Variants in PRDM16 observed in about 807,000 individuals in gnomAD.
PRDM16 encodes PR/SET domain 16.
PRDM16 carries 23 observed loss-of-function variants against 110.6 expected under a neutral mutation model. The ratio of observed to expected loss-of-function variants is 0.21; its 90% CI spans 0.15 to 0.29. The LOEUF is 0.29. Among genes scored for constraint, PRDM16 ranks in the 10% least tolerant of loss-of-function variants. PRDM16 has a pLI of 1.00. For missense variants in PRDM16, 1,615 were observed against 1,794.3 expected (o/e 0.90, Z 1.81); for synonymous variants, 799 against 781.8 (o/e 1.02, Z -0.37).
intron 4 of PRDM16, chr1:3,394,484 A>AG: frequency 7.1e-6 from 1 of 140,738 alleles, no homozygotes; most frequent in Non-Finnish European, 1.5e-5. Context: ...GGTGGGGTGG[A>AG]GAGGGAGGTG....
chr1:3,327,409 C>G (rs1641938133), intron 3 of PRDM16, among the ~76,000 whole-genome samples: 1 of 152,202 alleles, frequency 6.6e-6, no homozygotes, highest in Admixed American at 6.5e-5. Context: ...CCAGTCCCAA[C>G]AGCCCCTCAG....
At chr1:3,426,756 A>G (rs1382670344) in intron 14 of PRDM16, among the ~76,000 whole-genome samples, 1 of 152,190 alleles carries the variant, frequency 6.6e-6, no homozygotes, top group Non-Finnish European at 1.5e-5. Flanking sequence ...CCATTGATGA[A>G]TCCTCACTTG....
At chr1:3,427,257 A>C (rs1299694078) in intron 14 of PRDM16, among the ~76,000 whole-genome samples, 5 of 152,208 alleles carry the variant, frequency 3.3e-5, no homozygotes, top group African/African-American at 9.7e-5. Context: ...TCCTTTGTGA[A>C]AGCTAACACC....
At chr1:3,147,521 C>G (rs1245003163) in intron 1 of PRDM16, among the ~76,000 whole-genome samples, 1 of 152,116 alleles carries the variant, frequency 6.6e-6, no homozygotes, top group African/African-American at 2.4e-5. Flanking sequence ...CTGCTGTCTT[C>G]TCTTTGAGAA....
chr1:3,389,887 C>T (rs988831215), intron 4 of PRDM16, among the ~76,000 whole-genome samples: 23 of 152,022 alleles, frequency 1.5e-4, no homozygotes, highest in Admixed American at 9.2e-4. Flanking sequence ...CTGCCTCGTC[C>T]GAGCATGAGC....
At chr1:3,172,639 G>A (rs1462777832) in intron 1 of PRDM16, among the ~76,000 whole-genome samples, 1 of 152,226 alleles carries the variant, frequency 6.6e-6, no homozygotes, top group Non-Finnish European at 1.5e-5. Context: ...GGCGACACAC[G>A]CCACCACCTG....
intron 3 of PRDM16, among the ~76,000 whole-genome samples, chr1:3,363,207 G>A (rs1424302076): frequency 1.3e-5 from 2 of 152,298 alleles, no homozygotes; most frequent in African/African-American, 2.4e-5. Flanking sequence ...ACTGCATCTC[G>A]GGGCCCGCGA....
In PRDM16 at chr1:3,283,828, G is replaced by A. The variant is rs566543559; in HGVS notation, c.438+39691G>A. Among the ~76,000 whole-genome samples, 19 of 152,356 alleles carry A rather than the reference G, an allele frequency of 1.2e-4. 1 individual carries two copies. The South Asian group carries it at 2.7e-3, about 22-fold the overall frequency. Reference sequence around the variant, plus strand: ...CAGCAAAGCCGGCTGGTGGTGTTGCGGCCACACAGCCTCCCCGACCAACAT... The same window carrying A: ...CAGCAAAGCCGGCTGGTGGTGTTGCAGCCACACAGCCTCCCCGACCAACAT... On this transcript the variant is annotated intron_variant, in intron 3 of 16. Transcript: ENST00000270722.
rs397514744 is a variant in PRDM16 at position 3,402,986 on chromosome 1, C to T, written c.872C>T (p.Pro291Leu). The T allele has an allele frequency of 3.9e-5, 63 of 1,606,562 alleles. No individual in the cohort carries two copies. Among genetic ancestry groups the T allele is most frequent in the Middle Eastern group, 3.5e-4 (2 of 5,648 alleles). Residue 291 changes from proline to leucine, a missense_variant, in exon 6 of 17, where the codon CCC (proline) becomes CTC (leucine). This residue lies in a region of PRDM16 where 416 missense variants were observed against 467.1 expected (regional missense o/e 0.89). Transcript: ENST00000270722. ...HECKDCERMF[P>L]NKYSLEQHMV... ...TGCAAGGACTGCGAGCGGATGTTCC[C>T]CAACAAGTACAGGTGCCACGCCCTC...
chr1:3,126,547 C>T (rs1386654729), intron 1 of PRDM16, among the ~76,000 whole-genome samples: 1 of 152,180 alleles, frequency 6.6e-6, no homozygotes, highest in Non-Finnish European at 1.5e-5. Flanking sequence ...CCTAGATGAG[C>T]TTTGAAAACC....
chr1:3,426,359 C>A (rs1197507308), intron 14 of PRDM16, 134 bp downstream of exon 14: 6 of 662,322 alleles, frequency 9.1e-6, no homozygotes, highest in Non-Finnish European at 1.5e-5. Flanking sequence ...GGGGCCTCAC[C>A]ACAGAGGGTG....
chr1:3,081,328 C>T lies in PRDM16; in HGVS notation c.37+12032C>T, dbSNP rs1045445350. Among the ~76,000 whole-genome samples, 3 of 152,168 alleles carry T rather than the reference C, an allele frequency of 2.0e-5. No individual in the cohort carries two copies. The highest frequency in any genetic ancestry group is 2.9e-5 in the Non-Finnish European group (2 of 68,034). ...GCTCTTTCCAGAGGGTTTTAGGTTG[C>T]GTCCGCTCCTGACAGGTGACCCTTG... On this transcript the variant is annotated intron_variant, in intron 1 of 16. Transcript: ENST00000270722. This position sits in a 1 kb window ranked among gnomAD's most constrained non-coding sequence, Gnocchi z 4.6.
intron 8 of PRDM16, among the ~76,000 whole-genome samples, chr1:3,406,786 G>A (rs1290282762): frequency 2.0e-5 from 3 of 152,152 alleles, no homozygotes; most frequent in African/African-American, 4.8e-5. Flanking sequence ...CACCAGGGCC[G>A]GGTCCAAGGG....
chr1:3,214,381 G>A (rs903588864), intron 2 of PRDM16, among the ~76,000 whole-genome samples: 2 of 152,154 alleles, frequency 1.3e-5, no homozygotes, highest in African/African-American at 2.4e-5. Flanking sequence ...CAATAGCACC[G>A]TCAGACTCGC....
rs549598103 is a variant in PRDM16, at chr1:3,305,231, G to C, written c.438+61094G>C. Among the ~76,000 whole-genome samples, 19 of 152,326 alleles carry C rather than the reference G, an allele frequency of 1.2e-4. 1 individual carries two copies. In the South Asian group the frequency reaches 3.9e-3, roughly 32 times the overall value. On this transcript the variant is annotated intron_variant, in intron 3 of 16. Transcript: ENST00000270722. The stretch of plus-strand genomic sequence containing the variant: ...TTACAAAGGACCTGTCCCAGAAGAG[G>C]TTCCCACAGACACTGAAATAACAAA...
At chr1:3,169,899 C>T (rs1644006154) in intron 1 of PRDM16, among the ~76,000 whole-genome samples, 2 of 152,250 alleles carry the variant, frequency 1.3e-5, no homozygotes, top group African/African-American at 4.8e-5. Flanking sequence ...GGGGGACTGT[C>T]GTTAATTCAC....
At chr1:3,166,827 T>C (rs1365505603) in intron 1 of PRDM16, among the ~76,000 whole-genome samples, 2 of 152,190 alleles carry the variant, frequency 1.3e-5, no homozygotes, top group African/African-American at 2.4e-5. Flanking sequence ...GGAGTTGCCA[T>C]GAAGCTCACT....
chr1:3,104,502 A>G (rs1013589545), intron 1 of PRDM16, among the ~76,000 whole-genome samples: 11 of 152,178 alleles, frequency 7.2e-5, no homozygotes, highest in African/African-American at 2.7e-4. Flanking sequence ...AGTGGGCGGG[A>G]GACCACAGCA....
At chr1:3,270,840 C>T (rs1417625948) in intron 3 of PRDM16, among the ~76,000 whole-genome samples, 1 of 150,730 alleles carries the variant, frequency 6.6e-6, no homozygotes, top group Non-Finnish European at 1.5e-5. Flanking sequence ...GGGAGGAGTA[C>T]AATCCTGGAG....
Sources: allele counts gnomAD v4.1 joint callset (sites outside exome capture counted in the v4.1 genomes callset), GRCh38; gene constraint gnomAD v4.1.1; regional missense constraint gnomAD v4.1.1; non-coding constraint Gnocchi (gnomAD v3.1); transcripts MANE v1.5; gene names NCBI Gene and HGNC (gene_info 2026-07-23, HGNC 2026-07-21).